Variants in RARB observed in about 807,000 individuals in gnomAD.
RARB encodes retinoic acid receptor beta.
Under a neutral mutation model 51.9 loss-of-function variants are expected in RARB, and 17 were observed. The observed-to-expected ratio is 0.33, with a 90% confidence interval of 0.22 to 0.49. The LOEUF (loss-of-function observed/expected upper bound fraction) is 0.49. Ranked by LOEUF, RARB falls within the 20% of genes least tolerant of loss-of-function variation. The probability of loss-of-function intolerance (pLI) is 0.99; values close to 1 mark genes in which losing one functional copy is unlikely to be tolerated. For missense variants in RARB, 369 were observed against 550.8 expected (o/e 0.67, Z 3.30); for synonymous variants, 215 against 195.4 (o/e 1.10, Z -0.84).
chr3:25,215,527 C>T (rs2073007706), intron 5 of RARB, among the ~76,000 whole-genome samples: 1 of 152,138 alleles, frequency 6.6e-6, no homozygotes, highest in African/African-American at 2.4e-5. Flanking sequence ...ATTGCCTCTC[C>T]AGACAGGGCA....
chr3:25,348,401 T>C (rs1261944662), intron 5 of RARB, among the ~76,000 whole-genome samples: 1 of 123,044 alleles, frequency 8.1e-6, no homozygotes, highest in African/African-American at 3.2e-5. Flanking sequence ...TCGGAAGAGA[T>C]TATAAAAGTG....
At chr3:25,482,521 A>ATTTTTTTTTTTTTTTTTTTTTT (rs71087718) in intron 2 of RARB, among the ~76,000 whole-genome samples, 6 of 65,752 alleles carry the variant, frequency 9.1e-5, no homozygotes, top group East Asian at 5.3e-4. Context: ...TAGCAGCCAA[A>ATTTTTTTTTTTTTTTTTTTTTT]TTTTTTTTTT....
At chr3:25,398,050 G>A (rs775870912) in intron 5 of RARB, among the ~76,000 whole-genome samples, 1 of 151,990 alleles carries the variant, frequency 6.6e-6, no homozygotes, top group Non-Finnish European at 1.5e-5. Context: ...CCCTAATTTG[G>A]GGATTTGGAT....
intron 2 of RARB, among the ~76,000 whole-genome samples, chr3:24,924,970 G>A (rs755729724): frequency 2.0e-5 from 3 of 152,228 alleles, no homozygotes; most frequent in South Asian, 2.1e-4. Flanking sequence ...GACAATGCAA[G>A]CTTATATCAC....
At chr3:25,135,945 G>T (rs977300392) in intron 4 of RARB, among the ~76,000 whole-genome samples, 1 of 28,470 alleles carries the variant, frequency 3.5e-5, no homozygotes, top group Non-Finnish European at 7.0e-5. Flanking sequence ...ATTAAAAAAA[G>T]AAATATAAAA....
intron 5 of RARB, among the ~76,000 whole-genome samples, chr3:25,181,682 T>A (rs1276563752): frequency 6.6e-6 from 1 of 152,220 alleles, no homozygotes; most frequent in African/African-American, 2.4e-5. Context: ...TCCTAAATCA[T>A]AACTTCATTT....
chr3:24,885,870 C>A (rs1454991080), intron 2 of RARB, among the ~76,000 whole-genome samples: 1 of 152,140 alleles, frequency 6.6e-6, no homozygotes, highest in Non-Finnish European at 1.5e-5. Flanking sequence ...TGCCTTTAAG[C>A]AACTTAAACT....
chr3:25,365,382 G>C (rs1419310307), intron 5 of RARB, among the ~76,000 whole-genome samples: 2 of 151,480 alleles, frequency 1.3e-5, no homozygotes, highest in Non-Finnish European at 2.9e-5. Flanking sequence ...AAAGTACTGG[G>C]ATTATAGGCA....
chr3:25,200,968 A>G (rs1395124591), intron 5 of RARB, among the ~76,000 whole-genome samples: 1 of 152,162 alleles, frequency 6.6e-6, no homozygotes, highest in Non-Finnish European at 1.5e-5. Context: ...GTTTTTTCCA[A>G]TTCTGTGAAG....
At chr3:25,440,304 G>T (rs773936052) in intron 1 of RARB, among the ~76,000 whole-genome samples, 8 of 151,988 alleles carry the variant, frequency 5.3e-5, no homozygotes, top group Non-Finnish European at 1.0e-4. Flanking sequence ...GAATTATGTG[G>T]CCGTGGTGGC....
At chr3:25,169,641 G>A (rs1380473630) in intron 4 of RARB, among the ~76,000 whole-genome samples, 2 of 152,144 alleles carry the variant, frequency 1.3e-5, no homozygotes, top group Non-Finnish European at 2.9e-5. Flanking sequence ...GTTTCTATGT[G>A]TGGGCAATAG....
chr3:25,499,806 C>T (rs978722418), intron 2 of RARB, among the ~76,000 whole-genome samples: 2 of 151,940 alleles, frequency 1.3e-5, no homozygotes, highest in Non-Finnish European at 2.9e-5. Context: ...AAGAGAATAC[C>T]GGAATAAGAT....
intron 5 of RARB, among the ~76,000 whole-genome samples, chr3:25,276,419 ATTG>A (rs1385185427): frequency 6.6e-6 from 1 of 152,212 alleles, no homozygotes; most frequent in African/African-American, 2.4e-5. Context: ...AATATGTACA[ATTG>A]TTGTGTTCAT....
chr3:25,021,499 G>A (rs771328765), intron 2 of RARB, among the ~76,000 whole-genome samples: 1 of 152,114 alleles, frequency 6.6e-6, no homozygotes, highest in African/African-American at 2.4e-5. Flanking sequence ...CTGGGACAAG[G>A]AAGTGATAAG....
At chr3:25,556,752 C>A (rs141658664) in intron 3 of RARB, among the ~76,000 whole-genome samples, 1 of 152,256 alleles carries the variant, frequency 6.6e-6, no homozygotes, top group African/African-American at 2.4e-5. Flanking sequence ...CCCCGAAGGG[C>A]TGGGGTTGAT....
chr3:25,368,389 G>C (rs1479141614), intron 5 of RARB, among the ~76,000 whole-genome samples: 1 of 152,006 alleles, frequency 6.6e-6, no homozygotes, highest in South Asian at 2.1e-4. Flanking sequence ...CACCTACTTG[G>C]AGAAAAACTT....
chr3:25,407,545 C>T (rs773765086), intron 5 of RARB, among the ~76,000 whole-genome samples: 2 of 152,128 alleles, frequency 1.3e-5, no homozygotes, highest in Non-Finnish European at 2.9e-5. Flanking sequence ...ACTATCCCAC[C>T]TGCTGGTTGT....
chr3:24,886,371 A>C (rs969942225), intron 2 of RARB, among the ~76,000 whole-genome samples: 6 of 151,958 alleles, frequency 3.9e-5, no homozygotes, highest in African/African-American at 1.5e-4. Flanking sequence ...CTAATCCTTA[A>C]TTGAAAAGAG....
intron 3 of RARB, among the ~76,000 whole-genome samples, chr3:25,078,205 C>T (rs1183896196): frequency 1.3e-5 from 2 of 152,024 alleles, no homozygotes. Flanking sequence ...TTTGCTTACT[C>T]AAAGGATACA....
Sources: allele counts gnomAD v4.1 joint callset (sites outside exome capture counted in the v4.1 genomes callset), GRCh38; gene constraint gnomAD v4.1.1; transcripts MANE v1.5; gene names NCBI Gene and HGNC (gene_info 2026-07-23, HGNC 2026-07-21).